Variants in LMNB1 observed in about 807,000 individuals in gnomAD.
The protein encoded by LMNB1 is lamin B1.
Under a neutral mutation model 67.1 loss-of-function variants are expected in LMNB1, and 23 were observed. The ratio of observed to expected loss-of-function variants is 0.34; its 90% CI spans 0.25 to 0.49. The LOEUF is 0.49. Among genes scored for constraint, LMNB1 ranks in the 20% least tolerant of loss-of-function variants. The pLI is 0.99. For synonymous variants in LMNB1, 281 were observed against 282.9 expected (o/e 0.99, Z 0.07); for missense variants, 634 against 746.5 (o/e 0.85, Z 1.76).
intron 9 of LMNB1, among the ~76,000 whole-genome samples, chr5:126,830,031 AAATGAT>A (rs1752096621): frequency 6.6e-6 from 1 of 152,272 alleles, no homozygotes; most frequent in Admixed American, 6.5e-5. Context: ...TTGTATATGC[AAATGAT>A]TACTTATATA....
intron 9 of LMNB1, among the ~76,000 whole-genome samples, chr5:126,829,457 A>G (rs80354965): frequency 1.4e-3 from 220 of 152,034 alleles, no homozygotes; most frequent in Middle Eastern, 3.4e-3. Context: ...CTACTGACAG[A>G]TAAACATGGT....
At chr5:126,799,110 TG>T (rs1428238247) in intron 1 of LMNB1, among the ~76,000 whole-genome samples, 2 of 148,406 alleles carry the variant, frequency 1.3e-5, no homozygotes, top group African/African-American at 2.5e-5. Flanking sequence ...CTCCGCCCCC[TG>T]GGGTTCACGC....
chr5:126,804,749 G>A, intron 1 of LMNB1, 27 bp from the exon 2 acceptor site: 2 of 1,609,078 alleles, frequency 1.2e-6, no homozygotes, highest in South Asian at 1.1e-5. Flanking sequence ...ATGGTTTGAT[G>A]TCTTATGCTT....
chr5:126,814,974 G>A (rs576099851), intron 5 of LMNB1, among the ~76,000 whole-genome samples: 4 of 152,272 alleles, frequency 2.6e-5, no homozygotes, highest in Admixed American at 2.0e-4. Flanking sequence ...TAGGAGACGA[G>A]CAATCCCTTT....
intron 1 of LMNB1, among the ~76,000 whole-genome samples, chr5:126,791,881 C>G (rs958099252): frequency 6.6e-6 from 1 of 151,550 alleles, no homozygotes; most frequent in Non-Finnish European, 1.5e-5. Flanking sequence ...CCTCCGTGTT[C>G]AAGTGATTCT....
At chr5:126,778,940 C>T (rs1163637830) in intron 1 of LMNB1, among the ~76,000 whole-genome samples, 1 of 152,156 alleles carries the variant, frequency 6.6e-6, no homozygotes, top group Non-Finnish European at 1.5e-5. Flanking sequence ...CTTATTTTGA[C>T]TTTCTGATAA....
intron 1 of LMNB1, among the ~76,000 whole-genome samples, chr5:126,794,333 A>G (rs1188945756): frequency 5.3e-5 from 8 of 152,232 alleles, no homozygotes; most frequent in Admixed American, 5.2e-4. Flanking sequence ...AAGGGAAGTT[A>G]ACATGAGGAC....
chr5:126,787,546 A>ATATAT, intron 1 of LMNB1, among the ~76,000 whole-genome samples: 6 of 65,570 alleles, frequency 9.2e-5, no homozygotes, highest in African/African-American at 2.6e-4. Context: ...ATATATATAT[A>ATATAT]TTTTTTTTTT....
Position 126,817,406 on chromosome 5 carries a change from GTA to G in LMNB1, c.940-1514_940-1513del, listed in dbSNP as rs1751737257. Among the ~76,000 whole-genome samples the G allele has an allele frequency of 4.6e-5, 7 of 152,268 alleles. No individual in the cohort carries two copies. In the South Asian group the frequency reaches 1.4e-3, roughly 32 times the overall value. On this transcript the variant is annotated intron_variant, in intron 5 of 10. Transcript: ENST00000261366. ...CACTGAGTGTGCTCACTGGTACTGGGTATCACTGCTTCTTGGCCCTCTCACCG... is the reference window on the plus strand; with the variant it reads ...CACTGAGTGTGCTCACTGGTACTGGGTCACTGCTTCTTGGCCCTCTCACCG...
In LMNB1 at chr5:126,832,891, C is replaced by T. The variant is rs1045957721; in HGVS notation, c.1719+90C>T. 2.9e-5 allele frequency: 23 copies of T among 790,866 alleles called. No individual in the cohort carries two copies. In the African/African-American group the frequency reaches 3.7e-4, roughly 13 times the overall value. The allele number at this position is 790,866 out of a possible 1,614,324, so 49.0% of individuals were successfully genotyped here. On this transcript the variant is annotated intron_variant, in intron 10 of 10. Coordinates refer to ENST00000261366, the MANE Select transcript of LMNB1 (RefSeq NM_005573.4). ...GAGTGTGGTTGGGTTTTTCCCCTAT[C>T]AGTTGATGAACCAGCGCAGTTATCT...
intron 9 of LMNB1, among the ~76,000 whole-genome samples, chr5:126,828,222 A>G (rs1196807412): frequency 1.3e-5 from 2 of 152,200 alleles, no homozygotes; most frequent in East Asian, 3.8e-4. Flanking sequence ...ATTGGCTCAG[A>G]TAAGACTGAA....
At chr5:126,778,288 G>T (rs1207837419) in intron 1 of LMNB1, among the ~76,000 whole-genome samples, 1 of 152,090 alleles carries the variant, frequency 6.6e-6, no homozygotes, top group South Asian at 2.1e-4. Flanking sequence ...GCGAGACAAA[G>T]CGTCTAGCGG....
In LMNB1 at chr5:126,821,705, C is replaced by T. The variant is rs2973601; in HGVS notation, c.1386+570C>T. ...TTCTGAAATTTAGGGCTGGGGCTTTCGGGAGCTCTGTAGTGTGGGCCTTCC... is the reference window on the plus strand; with the variant it reads ...TTCTGAAATTTAGGGCTGGGGCTTTTGGGAGCTCTGTAGTGTGGGCCTTCC... On this transcript the variant is annotated intron_variant, in intron 7 of 10. Coordinates refer to ENST00000261366, the MANE Select transcript of LMNB1 (RefSeq NM_005573.4). Among the ~76,000 whole-genome samples the T allele has an allele frequency of 9.3e-3, 1,409 of 152,188 alleles. 26 individuals carry two copies. Among genetic ancestry groups the T allele is most frequent in the African/African-American group, 0.033 (1,356 of 41,526 alleles).
At chr5:126,776,921 C>G (rs1330497363), upstream of LMNB1, 6 of 152,472 alleles carry the variant, frequency 3.9e-5, no homozygotes, top group Non-Finnish European at 8.8e-5. Flanking sequence ...GAGGGCCGAG[C>G]TGACGGTTGC....
intron 1 of LMNB1, among the ~76,000 whole-genome samples, chr5:126,779,353 C>G (rs1445840414): frequency 6.6e-6 from 1 of 152,198 alleles, no homozygotes; most frequent in Non-Finnish European, 1.5e-5. Context: ...GAAAATAATA[C>G]TAAGCTTGTA....
intron 5 of LMNB1, among the ~76,000 whole-genome samples, chr5:126,814,142 G>A (rs553382974): frequency 5.3e-5 from 8 of 152,218 alleles, no homozygotes; most frequent in Non-Finnish European, 7.4e-5. Flanking sequence ...TGATCCGCCC[G>A]CCTCAGCCTC....
At chr5:126,812,896 A>G (rs145801205) in intron 5 of LMNB1, among the ~76,000 whole-genome samples, 7,549 of 151,762 alleles carry the variant, frequency 0.05, 247 homozygotes, top group Non-Finnish European at 0.073. Flanking sequence ...ACGCCCGGCT[A>G]ATTTTTGTAT....
chr5:126,836,084 A>G (rs1752241715), intron 10 of LMNB1, 139 bp from the exon 11 acceptor site: 2 of 666,412 alleles, frequency 3.0e-6, no homozygotes, highest in Non-Finnish European at 5.4e-6. Flanking sequence ...AAGGTTAGAA[A>G]AGATGAGAGA....
At chr5:126,798,511 A>G (rs1160644826) in intron 1 of LMNB1, among the ~76,000 whole-genome samples, 1 of 152,214 alleles carries the variant, frequency 6.6e-6, no homozygotes, top group African/African-American at 2.4e-5. Flanking sequence ...TCTGATGGAG[A>G]CATGGGTGTA....
Sources: allele counts gnomAD v4.1 joint callset (sites outside exome capture counted in the v4.1 genomes callset), GRCh38; gene constraint gnomAD v4.1.1; transcripts MANE v1.5; gene names NCBI Gene and HGNC (gene_info 2026-07-23, HGNC 2026-07-21).